TNFSF4: variants seen among roughly 807,000 people sequenced by gnomAD.
TNFSF4 encodes tumor necrosis factor ligand superfamily member 4.
Under a neutral mutation model 7.3 loss-of-function variants are expected in TNFSF4, and 4 were observed. The ratio of observed to expected loss-of-function variants is 0.55; its 90% confidence interval spans 0.27 to 1.25. The LOEUF (loss-of-function observed/expected upper bound fraction) is 1.25. Among genes scored for constraint, TNFSF4 ranks in the 50% most tolerant of loss-of-function variants. The pLI is 0.12. For synonymous variants in TNFSF4, 76 were observed against 83.7 expected, an observed-to-expected ratio of 0.91 and a Z score of 0.50; for missense variants, 181 against 208.8, an observed-to-expected ratio of 0.87 and a Z score of 0.82.
At chr1:173,196,066 C>T (rs1364271817) in intron 1 of TNFSF4, among the ~76,000 whole-genome samples, 5 of 152,028 alleles carry the variant, frequency 3.3e-5, no homozygotes, top group Non-Finnish European at 1.5e-5. Context: ...CACTCTTAGC[C>T]ACCACAGTAG....
At chr1:173,326,781 G>A in the TNFSF4 span, among the ~76,000 whole-genome samples, 37 of 151,892 alleles carry the variant, frequency 2.4e-4, no homozygotes, top group East Asian at 7.0e-3. Context: ...CTTCAAAGAG[G>A]ATAAAATACC....
chr1:173,285,010 C>T, the TNFSF4 span, among the ~76,000 whole-genome samples: 2 of 152,260 alleles, frequency 1.3e-5, no homozygotes, highest in Admixed American at 1.3e-4. Context: ...CCATAAGTAA[C>T]AATTCCTCTA....
the TNFSF4 span, among the ~76,000 whole-genome samples, chr1:173,359,750 C>A: frequency 6.6e-6 from 1 of 152,148 alleles, no homozygotes. Context: ...AAGGGCAGGT[C>A]TGCTAAGATA....
chr1:173,386,896 T>TCCTC, the TNFSF4 span, among the ~76,000 whole-genome samples: 4 of 152,208 alleles, frequency 2.6e-5, no homozygotes, highest in African/African-American at 9.7e-5. Context: ...GACCTATTAC[T>TCCTC]CCTCCCTTCT....
the TNFSF4 span, among the ~76,000 whole-genome samples, chr1:173,344,108 CT>C: frequency 6.6e-6 from 1 of 152,170 alleles, no homozygotes; most frequent in African/African-American, 2.4e-5. Flanking sequence ...CTAAATTTCA[CT>C]CCCTGTGCTA....
chr1:173,320,813 C>T, the TNFSF4 span, among the ~76,000 whole-genome samples: 1 of 152,072 alleles, frequency 6.6e-6, no homozygotes, highest in Non-Finnish European at 1.5e-5. Flanking sequence ...AATCAATGCT[C>T]AAGGAAATAA....
the TNFSF4 span, among the ~76,000 whole-genome samples, chr1:173,421,941 A>G: frequency 6.6e-6 from 1 of 152,222 alleles, no homozygotes; most frequent in African/African-American, 2.4e-5. Flanking sequence ...CATATCTTCC[A>G]GTATTTGAGT....
At chr1:173,204,555 T>A (rs374365072) in intron 1 of TNFSF4, among the ~76,000 whole-genome samples, 12 of 152,202 alleles carry the variant, frequency 7.9e-5, no homozygotes, top group African/African-American at 2.9e-4. Context: ...GGCTAAAAAA[T>A]TAAATCTAAG....
chr1:173,416,638 T>TGAGA, the TNFSF4 span, among the ~76,000 whole-genome samples: 6,579 of 109,222 alleles, frequency 0.06, 359 homozygotes, highest in East Asian at 0.19. Context: ...ATTTATTTTT[T>TGAGA]GAGAGAGAGA....
At chr1:173,411,978 G>A in the TNFSF4 span, among the ~76,000 whole-genome samples, 1 of 151,430 alleles carries the variant, frequency 6.6e-6, no homozygotes, top group Non-Finnish European at 1.5e-5. Flanking sequence ...AATTAGCTGG[G>A]TATGGTGGTG....
At chr1:173,403,173 A>C in the TNFSF4 span, among the ~76,000 whole-genome samples, 1 of 152,146 alleles carries the variant, frequency 6.6e-6, no homozygotes, top group Non-Finnish European at 1.5e-5. Flanking sequence ...ATTGCTAACA[A>C]GTTTTCAGGT....
At chr1:173,244,874 AT>A in the TNFSF4 span, among the ~76,000 whole-genome samples, 1 of 152,078 alleles carries the variant, frequency 6.6e-6, no homozygotes, top group Admixed American at 6.6e-5. Flanking sequence ...ATGCATGCTT[AT>A]AGAGTGTGTT....
the TNFSF4 span, among the ~76,000 whole-genome samples, chr1:173,324,445 ACT>A: frequency 1.3e-5 from 2 of 152,356 alleles, no homozygotes; most frequent in Non-Finnish European, 2.9e-5. Context: ...CTAGGAAGAA[ACT>A]GCATCAACTA....
the TNFSF4 span, among the ~76,000 whole-genome samples, chr1:173,378,619 A>T: frequency 6.6e-6 from 1 of 152,170 alleles, no homozygotes; most frequent in East Asian, 1.9e-4. Context: ...TTACAATACT[A>T]TCCTGCAGCT....
At chr1:173,416,144 G>A in the TNFSF4 span, among the ~76,000 whole-genome samples, 8 of 152,164 alleles carry the variant, frequency 5.3e-5, no homozygotes, top group Admixed American at 4.6e-4. Context: ...CTAAAGGCAG[G>A]GTCTGTCGGT....
At chr1:173,416,931 G>A in the TNFSF4 span, among the ~76,000 whole-genome samples, 1 of 152,012 alleles carries the variant, frequency 6.6e-6, no homozygotes, top group Non-Finnish European at 1.5e-5. Context: ...ACACATTCCT[G>A]GTGGAAGGTA....
At chr1:173,330,324 G>T in the TNFSF4 span, among the ~76,000 whole-genome samples, 2 of 149,710 alleles carry the variant, frequency 1.3e-5, no homozygotes, top group African/African-American at 2.5e-5. Context: ...AATATTAATG[G>T]TATATTATAT....
the TNFSF4 span, among the ~76,000 whole-genome samples, chr1:173,277,599 A>T: frequency 1.3e-5 from 2 of 152,164 alleles, no homozygotes; most frequent in African/African-American, 4.8e-5. Context: ...GGTGTGACTC[A>T]CAAGGGTGGC....
chr1:173,375,717 T>A, the TNFSF4 span, among the ~76,000 whole-genome samples: 3 of 152,168 alleles, frequency 2.0e-5, no homozygotes, highest in South Asian at 6.2e-4. Context: ...GGCACTCTGA[T>A]AGGACAAAAA....
Sources: gnomAD v4.1 joint callset for allele counts (sites outside exome capture counted in the v4.1 genomes callset) on GRCh38, gnomAD v4.1.1 for gene constraint, MANE v1.5 for transcripts, NCBI Gene and HGNC (gene_info 2026-07-23, HGNC 2026-07-21) for gene names.